KLHL32: variants seen among roughly 807,000 people sequenced by gnomAD.
KLHL32 encodes kelch-like protein 32.
Under a neutral mutation model 64.8 loss-of-function variants are expected in KLHL32, and 35 were observed. The ratio of observed to expected loss-of-function variants is 0.54; its 90% CI spans 0.41 to 0.72. The LOEUF is 0.72. Ranked by LOEUF, KLHL32 falls within the 30% of genes least tolerant of loss-of-function variation. KLHL32 has a pLI of 0.00. For missense variants in KLHL32, 589 were observed against 768.5 expected, an observed-to-expected ratio of 0.77 and a Z score of 2.76; for synonymous variants, 259 against 281.0, an observed-to-expected ratio of 0.92 and a Z score of 0.78.
chr6:96,970,912 A>C (rs1372298880), intron 2 of KLHL32, among the ~76,000 whole-genome samples: 2 of 152,176 alleles, frequency 1.3e-5, no homozygotes, highest in East Asian at 3.8e-4. Flanking sequence ...TAAAATATTA[A>C]TGTCTTTAAT....
chr6:97,124,604 CAGAT>C (rs1321829066), intron 7 of KLHL32, among the ~76,000 whole-genome samples: 10 of 152,292 alleles, frequency 6.6e-5, no homozygotes, highest in East Asian at 1.9e-4. Flanking sequence ...TGTCATAAAA[CAGAT>C]AGTTTACTAC....
At chr6:96,969,162 G>A (rs1774835426) in intron 2 of KLHL32, among the ~76,000 whole-genome samples, 1 of 152,036 alleles carries the variant, frequency 6.6e-6, no homozygotes, top group Non-Finnish European at 1.5e-5. Flanking sequence ...CATGGTCCTT[G>A]GACCCTCAAT....
In KLHL32 at chr6:97,064,277, C is replaced by A. The variant is rs75897871; in HGVS notation, c.313-351C>A. ...TACTTTGAAAAACTAAAACTCAGTT[C>A]TTTTGCATTTTATAAGATTATATCA... On this transcript the variant is annotated intron_variant, in intron 4 of 10. Coordinates refer to ENST00000369261, the MANE Select transcript of KLHL32 (RefSeq NM_052904.4). 1.1e-3 allele frequency among the ~76,000 whole-genome samples: 165 copies of A among 152,270 alleles called. 2 individuals are homozygous for A. In the East Asian group the frequency reaches 0.03, roughly 28 times the overall value.
intron 1 of KLHL32, among the ~76,000 whole-genome samples, chr6:96,938,735 T>C (rs1173652095): frequency 6.6e-6 from 1 of 152,088 alleles, no homozygotes; most frequent in East Asian, 1.9e-4. Flanking sequence ...TATTTGGTCT[T>C]GGGAAAGTTA....
At position 96,949,479 on chromosome 6, in the gene KLHL32, T is replaced by C. The variant is rs533921805; in HGVS notation, c.-65-17517T>C. On this transcript the variant is annotated intron_variant, in intron 1 of 10. Transcript: ENST00000369261. ...CGACCAGCCTTTCTTTCCACAGATGTAGACTTGCCACCATCTTTTTGTGTA... is the reference window on the plus strand; with the variant it reads ...CGACCAGCCTTTCTTTCCACAGATGCAGACTTGCCACCATCTTTTTGTGTA... Among the ~76,000 whole-genome samples, 9 of 152,306 alleles carry C rather than the reference T, an allele frequency of 5.9e-5. 1 individual carries two copies. The highest frequency in any genetic ancestry group is 4.1e-4 in the South Asian group (2 of 4,826).
At chr6:96,967,519 A>AGG (rs1415831698) in intron 2 of KLHL32, among the ~76,000 whole-genome samples, 1 of 151,646 alleles carries the variant, frequency 6.6e-6, no homozygotes, top group African/African-American at 2.4e-5. Context: ...AGAGAGAGAG[A>AGG]GGGAGAGCCC....
chr6:96,979,561 T>G (rs1445759532), intron 3 of KLHL32, among the ~76,000 whole-genome samples: 1 of 152,180 alleles, frequency 6.6e-6, no homozygotes, highest in Non-Finnish European at 1.5e-5. Context: ...TAGTTTGAAC[T>G]TGGGTAATGT....
intron 2 of KLHL32, among the ~76,000 whole-genome samples, chr6:96,971,275 A>G (rs777415370): frequency 6.6e-6 from 1 of 152,204 alleles, no homozygotes; most frequent in African/African-American, 2.4e-5. Flanking sequence ...GGAATTTACA[A>G]CTTTAAAACT....
In KLHL32 at chr6:97,002,782, A is replaced by T. The variant is rs1005013223; in HGVS notation, c.204+26605A>T. On this transcript the variant is annotated intron_variant, in intron 3 of 10. Transcript: ENST00000369261. ...ACAGTAGTGACCTCCAGCTCCATCC[A>T]TGTTTCTGCAAAGGACATGATTTCT... Among the ~76,000 whole-genome samples the T allele has an allele frequency of 1.6e-3, 247 of 152,298 alleles. 1 individual carries two copies. Among genetic ancestry groups the T allele is most frequent in the African/African-American group, 5.3e-3 (222 of 41,564 alleles).
At chr6:97,101,606 C>G (rs1236151055) in intron 6 of KLHL32, among the ~76,000 whole-genome samples, 2 of 152,188 alleles carry the variant, frequency 1.3e-5, no homozygotes, top group African/African-American at 4.8e-5. Flanking sequence ...CTGTCTCTCC[C>G]TTTTCATTCA....
chr6:96,905,876 GCT>G, the KLHL32 span, among the ~76,000 whole-genome samples: 1 of 152,144 alleles, frequency 6.6e-6, no homozygotes, highest in Non-Finnish European at 1.5e-5. Flanking sequence ...GAACCATTTA[GCT>G]GCCTGAGGCT....
chr6:96,985,848 T>G (rs1776977485), intron 3 of KLHL32, among the ~76,000 whole-genome samples: 1 of 152,024 alleles, frequency 6.6e-6, no homozygotes, highest in African/African-American at 2.4e-5. Flanking sequence ...GTAGTTTGAT[T>G]GTCTGAAGCC....
intron 6 of KLHL32, chr6:97,105,350 G>T: frequency 2.3e-6 from 1 of 440,756 alleles, no homozygotes; most frequent in Non-Finnish European, 4.7e-6. Context: ...TTGCCCAAGA[G>T]CTCATCAACA....
At chr6:97,119,676 G>A (rs928020703) in intron 7 of KLHL32, among the ~76,000 whole-genome samples, 1 of 152,182 alleles carries the variant, frequency 6.6e-6, no homozygotes, top group Non-Finnish European at 1.5e-5. Context: ...TAATGAACAA[G>A]CATATTTTCT....
intron 3 of KLHL32, among the ~76,000 whole-genome samples, chr6:96,992,125 GC>G (rs2128065717): frequency 6.6e-6 from 1 of 152,342 alleles, no homozygotes; most frequent in South Asian, 2.1e-4. Context: ...CTGCTGCTCA[GC>G]CCTGTGGATT....
At chr6:97,052,730 A>G (rs937979815) in intron 4 of KLHL32, among the ~76,000 whole-genome samples, 3 of 152,218 alleles carry the variant, frequency 2.0e-5, no homozygotes, top group African/African-American at 7.2e-5. Context: ...TATTGACTCG[A>G]TTGAGAAGGA....
In KLHL32 at chr6:97,028,898, C is replaced by T. The variant is rs149552097; in HGVS notation, c.205-12594C>T. ...TGGTGGGTAGGAATGTATTGTGATC[C>T]CACGTTCAGGGGATACAATTAGAAA... On this transcript the variant is annotated intron_variant, in intron 3 of 10. Coordinates refer to ENST00000369261, the MANE Select transcript of KLHL32 (RefSeq NM_052904.4). Among the ~76,000 whole-genome samples, 434 of 152,248 alleles carry T rather than the reference C, an allele frequency of 2.9e-3. 3 individuals carry two copies. Among genetic ancestry groups the T allele is most frequent in the African/African-American group, 0.01 (420 of 41,536 alleles).
chr6:96,977,909 G>T (rs191906491), intron 3 of KLHL32, among the ~76,000 whole-genome samples: 51 of 152,174 alleles, frequency 3.4e-4, no homozygotes, highest in African/African-American at 1.2e-3. Flanking sequence ...TCTGTAAAGT[G>T]GCCTTTTAGT....
chr6:96,932,578 T>G lies in KLHL32; in HGVS notation c.-66+7552T>G, dbSNP rs563572837. Among the ~76,000 whole-genome samples, 171 of 136,454 alleles carry G rather than the reference T, an allele frequency of 1.3e-3. 1 individual carries two copies. Among genetic ancestry groups the G allele is most frequent in the African/African-American group, 4.4e-3 (169 of 38,030 alleles). 89.5% of individuals were successfully genotyped at this position (136,454 alleles called of 152,430 possible). ...AGTTGTCAATTTCCCCCCCCCCCTTTTTTTTTTTGAGACAGATTCTCGCTC... is the reference window on the plus strand; with the variant it reads ...AGTTGTCAATTTCCCCCCCCCCCTTGTTTTTTTTGAGACAGATTCTCGCTC... On this transcript the variant is annotated intron_variant, in intron 1 of 10. Transcript: ENST00000369261.
Sources: allele counts gnomAD v4.1 joint callset (sites outside exome capture counted in the v4.1 genomes callset), GRCh38; gene constraint gnomAD v4.1.1; transcripts MANE v1.5; gene names NCBI Gene and HGNC (gene_info 2026-07-23, HGNC 2026-07-21).